FKRP: variants seen among roughly 807,000 people sequenced by gnomAD.
FKRP encodes the protein fukutin related protein.
A neutral mutation model predicts 30.6 loss-of-function variants in FKRP; 25 were observed. The observed-to-expected ratio is 0.82, with a 90% CI of 0.60 to 1.14. The LOEUF (loss-of-function observed/expected upper bound fraction) is 1.14, where lower values mean the gene tolerates loss of function less well. FKRP is among the 50% of genes most tolerant of loss of function. The probability of loss-of-function intolerance (pLI) is 0.00; values close to 1 mark genes in which losing one functional copy is unlikely to be tolerated. For missense variants in FKRP, 771 were observed against 727.8 expected (o/e 1.06, Z -0.68); for synonymous variants, 358 against 342.5 (o/e 1.05, Z -0.50).
chr19:46,754,414 GAC>G (rs2054862953), intron 3 of FKRP: 1 of 128,768 alleles, frequency 7.8e-6, no homozygotes. Context: ...TATTTTTTGA[GAC>G]AGTCTCACTC....
rs776947530 is a variant in FKRP, at chr19:46,756,453, G to A, written c.1003G>A (p.Ala335Thr). Residue 335 changes from alanine (A) to threonine (T), a missense_variant, in exon 4 of 4, where the codon GCT becomes ACT. Transcript: ENST00000318584. The surrounding 1 kb of genome is among the most constrained non-coding windows in gnomAD (Gnocchi z 6.6). ...TARYVVGVLEAAGVRYWLEGG... is the reference protein window; with the variant it reads ...TARYVVGVLETAGVRYWLEGG... ...CCGCTATGTGGTGGGCGTGCTGGAG[G>A]CTGCGGGCGTGCGCTACTGGCTCGA... 54 of 1,584,952 alleles carry A rather than the reference G, an allele frequency of 3.4e-5. No homozygotes were observed. The African/African-American group carries it at 7.2e-4, about 21-fold the overall frequency.
intron 1 of FKRP, 163 bp downstream of exon 1, chr19:46,746,253 G>T: frequency 6.7e-7 from 1 of 1,493,694 alleles, no homozygotes. Flanking sequence ...AGGGGCTCCG[G>T]GCCCGCCGTG....
intron 3 of FKRP, among the ~76,000 whole-genome samples, chr19:46,752,994 C>T (rs1157410953): frequency 2.6e-5 from 4 of 151,478 alleles, no homozygotes; most frequent in African/African-American, 9.7e-5. Context: ...GGTGAAAACC[C>T]GTCTCTACTA....
chr19:46,755,365 G>T (rs983272289), intron 3 of FKRP, 47 bp from the exon 4 acceptor site: 26 of 1,225,888 alleles, frequency 2.1e-5, no homozygotes, highest in Admixed American at 1.2e-4. Context: ...AGAAGGGGGT[G>T]GTTCTGACAA....
rs2054722691 is a variant in FKRP at position 46,748,655 on chromosome 19, C to T, written c.-50C>T. 6.6e-6 allele frequency: 1 copy of T among 152,250 alleles called. No homozygotes were observed. The allele number at this position is 152,250 out of a possible 1,614,324, so 9.4% of individuals were successfully genotyped here. A position where few individuals can be genotyped will look rare whatever the true frequency, so the allele number is the denominator to read the frequency against. On this transcript the variant is annotated 5_prime_UTR_variant, in exon 3 of 4. Coordinates refer to ENST00000318584, the MANE Select transcript of FKRP (RefSeq NM_024301.5). ...TCAGAGTAACTGTCCCCTCTGACTACCATTTCTAAGGCAAGCCCCCTGTTT... is the reference window on the plus strand; with the variant it reads ...TCAGAGTAACTGTCCCCTCTGACTATCATTTCTAAGGCAAGCCCCCTGTTT...
Position 46,757,319 on chromosome 19 carries a change from G to A in FKRP, c.*381G>A. On this transcript the variant is annotated 3_prime_UTR_variant, in exon 4 of 4. Transcript: ENST00000318584. ...CCCTGCGCTCTAGGGCAGGGGCAGAGTTTTGGAAACAGTGCAGGCTCTGGA... is the reference window on the plus strand; with the variant it reads ...CCCTGCGCTCTAGGGCAGGGGCAGAATTTTGGAAACAGTGCAGGCTCTGGA... The A allele has an allele frequency of 1.8e-5, 6 of 330,816 alleles. No homozygotes were observed. The South Asian group carries it at 1.9e-4, about 11-fold the overall frequency. The allele number at this position is 330,816 out of a possible 1,614,324, so 20.5% of individuals were successfully genotyped here. A position where few individuals can be genotyped will look rare whatever the true frequency, so the allele number is the denominator to read the frequency against.
chr19:46,744,877 T>C (rs1306794049), upstream of FKRP, among the ~76,000 whole-genome samples: 1 of 152,034 alleles, frequency 6.6e-6, no homozygotes, highest in Admixed American at 6.5e-5. Flanking sequence ...GACATCTCCA[T>C]GGTCCTCCAG....
At chr19:46,744,898 T>C (rs2054547558), upstream of FKRP, among the ~76,000 whole-genome samples, 1 of 152,074 alleles carries the variant, frequency 6.6e-6, no homozygotes, top group African/African-American at 2.4e-5. Flanking sequence ...TCACTGCCAA[T>C]GGACCTGACG....
At position 46,757,536 on chromosome 19, in the gene FKRP, C is replaced by G. The variant is rs951810367; in HGVS notation, c.*598C>G. On this transcript the variant is annotated 3_prime_UTR_variant, in exon 4 of 4. Transcript: ENST00000318584. ...CACTGTGGCTGCCCGGGCGACAGTA[C>G]GCCCAGGGCCTGTGTTCCATAGCCA... is the stretch of plus-strand genomic sequence containing the variant. The G allele has an allele frequency of 5.6e-6, 1 of 176,998 alleles. No homozygotes were observed. Among genetic ancestry groups the G allele is most frequent in the African/African-American group, 2.4e-5 (1 of 41,556 alleles). The allele number at this position is 176,998 out of a possible 1,614,324, so 11.0% of individuals were successfully genotyped here.
At position 46,756,305 on chromosome 19, in the gene FKRP, G is replaced by C; in HGVS notation, c.855G>C (p.Glu285Asp). 6.5e-7 allele frequency: 1 copy of C among 1,544,474 alleles called. No individual in the cohort carries two copies. The highest frequency in any genetic ancestry group is 8.7e-7 in the Non-Finnish European group (1 of 1,149,894). The change falls in exon 4 of 4, where the codon GAG (glutamate) becomes GAC (aspartate). Residue 285 changes from glutamate to aspartate, a missense_variant. Physicochemically the swap from Glu to Asp is conservative, Grantham distance 45. Transcript: ENST00000318584. The surrounding 1 kb of genome is among the most constrained non-coding windows in gnomAD (Gnocchi z 6.6). ...RLVSWEGGRL[E>D]WFGCNKETTR... ...TGAGCTGGGAAGGCGGGCGGCTGGA[G>C]TGGTTCGGCTGCAACAAGGAGACCA...
At position 46,756,473 on chromosome 19, in the gene FKRP, G is replaced by A; in HGVS notation, c.1023G>A (p.Trp341Ter). ...GVLEAAGVRY[W>*]LEGGSLLGAA... is the part of the protein sequence containing the mutation. ...TGGAGGCTGCGGGCGTGCGCTACTG[G>A]CTCGAGGGCGGCTCACTGCTGGGGG... The change falls in exon 4 of 4, where the codon TGG (tryptophan) becomes TGA (stop). Residue 341 changes from tryptophan to a stop codon, truncating the protein, a stop_gained. Coordinates refer to ENST00000318584, the MANE Select transcript of FKRP (RefSeq NM_024301.5). LOFTEE classifies it high-confidence loss of function. This position sits in a 1 kb window ranked among gnomAD's most constrained non-coding sequence, Gnocchi z 6.6. The A allele has an allele frequency of 6.5e-7, 1 of 1,537,650 alleles. No individual in the cohort carries two copies. Among genetic ancestry groups the A allele is most frequent in the Non-Finnish European group, 8.7e-7 (1 of 1,145,438 alleles).
intron 3 of FKRP, among the ~76,000 whole-genome samples, chr19:46,750,476 G>A (rs150774376): frequency 1.3e-5 from 2 of 152,332 alleles, no homozygotes; most frequent in African/African-American, 4.8e-5. Context: ...CTCAGAAGCG[G>A]AGACCTCGGT....
Position 46,756,391 on chromosome 19 carries a change from C to T in FKRP, c.941C>T (p.Thr314Met), listed in dbSNP as rs398124395. Residue 314 changes from threonine (T) to methionine (M), a missense_variant, in exon 4 of 4, where the codon ACG becomes ATG. Transcript: ENST00000318584. This position sits in a 1 kb window ranked among gnomAD's most constrained non-coding sequence, Gnocchi z 6.6. ...GCCTACCTCTACGAGGAGCGCTGGA[C>T]GCCCCCCTGCTGCCTGCGCGCGCTG... Reference protein sequence around the residue: ...TPAYLYEERWTPPCCLRALRE... With the variant: ...TPAYLYEERWMPPCCLRALRE... The T allele has an allele frequency of 6.4e-7, 1 of 1,566,834 alleles. No homozygotes were observed. Among genetic ancestry groups the T allele is most frequent in the Middle Eastern group, 1.7e-4 (1 of 5,898 alleles).
chr19:46,755,067 G>C (rs558791853), intron 3 of FKRP, among the ~76,000 whole-genome samples: 35 of 151,726 alleles, frequency 2.3e-4, no homozygotes, highest in African/African-American at 7.3e-4. Context: ...AAACCTCTGG[G>C]ACCTTTTCAT....
rs771793862 is a variant in FKRP, at chr19:46,756,565, T to G, written c.1115T>G (p.Val372Gly). 5.0e-6 allele frequency: 8 copies of G among 1,608,502 alleles called. No homozygotes were observed. Among genetic ancestry groups the G allele is most frequent in the Non-Finnish European group, 6.8e-6 (8 of 1,178,288 alleles). ...DVDLGIYLED[V>G]GNCEQLRGAE... ...GACCTGGGCATCTACTTGGAGGACG[T>G]GGGCAACTGCGAGCAGCTGCGGGGG... The change falls in exon 4 of 4, where the codon GTG becomes GGG. Residue 372 changes from valine (V) to glycine (G), a missense_variant. Coordinates refer to ENST00000318584, the MANE Select transcript of FKRP (RefSeq NM_024301.5). The surrounding 1 kb of genome is among the most constrained non-coding windows in gnomAD (Gnocchi z 6.6).
In FKRP at chr19:46,758,017, A is replaced by G. The variant is rs892819025; in HGVS notation, c.*1079A>G. On this transcript the variant is annotated 3_prime_UTR_variant, in exon 4 of 4. Coordinates refer to ENST00000318584, the MANE Select transcript of FKRP (RefSeq NM_024301.5). ...ATTCCCCACTTGCACGGCAGTGTAG[A>G]CAATAACCATAGCTCACACTCACTG... 4 of 167,214 alleles carry G rather than the reference A, an allele frequency of 2.4e-5. No individual in the cohort carries two copies. The highest frequency in any genetic ancestry group is 2.9e-5 in the Non-Finnish European group (2 of 68,156). The allele number at this position is 167,214 out of a possible 1,614,324, so 10.4% of individuals were successfully genotyped here.
Position 46,758,134 on chromosome 19 carries a change from A to G in FKRP, c.*1196A>G, listed in dbSNP as rs914406810. On this transcript the variant is annotated 3_prime_UTR_variant, in exon 4 of 4. Coordinates refer to ENST00000318584, the MANE Select transcript of FKRP (RefSeq NM_024301.5). The stretch of plus-strand genomic sequence containing the variant: ...TCAGCCCTCTGAAGTGACAGCTGCT[A>G]TTATTTTCATTACACAGATGAAAAA... The G allele has an allele frequency of 6.0e-6, 1 of 167,138 alleles. No individual in the cohort carries two copies. Among genetic ancestry groups the G allele is most frequent in the Admixed American group, 6.5e-5 (1 of 15,280 alleles). The allele number at this position is 167,138 out of a possible 1,614,324, so 10.4% of individuals were successfully genotyped here.
rs185647378 is a variant in FKRP, at chr19:46,757,004, G to A, written c.*66G>A. On this transcript the variant is annotated 3_prime_UTR_variant, in exon 4 of 4. Coordinates refer to ENST00000318584, the MANE Select transcript of FKRP (RefSeq NM_024301.5). ...GGATGTGGAGAAGCTCTGTGTGAGCGGTGAGGGGTGGAGGGATGTCGCGGA... is the reference window on the plus strand; with the variant it reads ...GGATGTGGAGAAGCTCTGTGTGAGCAGTGAGGGGTGGAGGGATGTCGCGGA... 326 of 1,590,948 alleles carry A rather than the reference G, an allele frequency of 2.0e-4. 2 individuals are homozygous for A. In the African/African-American group the frequency reaches 3.3e-3, roughly 16 times the overall value.
At chr19:46,746,426 A>G in intron 1 of FKRP, 2 of 1,019,450 alleles carry the variant, frequency 2.0e-6, no homozygotes, top group Non-Finnish European at 2.3e-6. Flanking sequence ...TCGCTCCTCC[A>G]TCATGGAGGC....
Sources: gnomAD v4.1 joint callset for allele counts (sites outside exome capture counted in the v4.1 genomes callset) on GRCh38, gnomAD v4.1.1 for gene constraint, Gnocchi (gnomAD v3.1) non-coding constraint, MANE v1.5 for transcripts, NCBI Gene and HGNC (gene_info 2026-07-23, HGNC 2026-07-21) for gene names.